The following PPP4R3A variants were observed in gnomAD, a reference collection of about 807,000 sequenced individuals.
PPP4R3A encodes protein phosphatase 4 regulatory subunit 3A, also known as serine/threonine-protein phosphatase 4 regulatory subunit 3A.
Under a neutral mutation model 91.7 loss-of-function variants are expected in PPP4R3A, and 15 were observed. The ratio of observed to expected loss-of-function variants is 0.16; its 90% CI spans 0.11 to 0.25. PPP4R3A has a LOEUF of 0.25. Among genes scored for constraint, PPP4R3A ranks in the 10% least tolerant of loss-of-function variants. PPP4R3A has a pLI of 1.00. For synonymous variants in PPP4R3A, 377 were observed against 348.7 expected (o/e 1.08, Z -0.91); for missense variants, 623 against 998.4 (o/e 0.62, Z 5.07).
At chr14:91,496,082 A>G (rs1890550530) in intron 1 of PPP4R3A, among the ~76,000 whole-genome samples, 1 of 152,214 alleles carries the variant, frequency 6.6e-6, no homozygotes, top group Admixed American at 6.5e-5. Flanking sequence ...AAAGGTATAA[A>G]CCATAGAATT....
chr14:91,482,640 C>CT (rs1259843234), intron 3 of PPP4R3A, among the ~76,000 whole-genome samples: 2 of 152,148 alleles, frequency 1.3e-5, no homozygotes, highest in African/African-American at 4.8e-5. Flanking sequence ...ATATTTAACT[C>CT]TGAGGTGAAG....
chr14:91,469,250 G>C (rs1464444594), intron 10 of PPP4R3A, among the ~76,000 whole-genome samples: 1 of 152,056 alleles, frequency 6.6e-6, no homozygotes, highest in African/African-American at 2.4e-5. Flanking sequence ...CTTAATTTCA[G>C]AGATAATGTT....
At chr14:91,483,596 T>C (rs1475154124) in intron 3 of PPP4R3A, among the ~76,000 whole-genome samples, 1 of 152,238 alleles carries the variant, frequency 6.6e-6, no homozygotes, top group African/African-American at 2.4e-5. Flanking sequence ...ATATTAAGAA[T>C]GCCATCTTTT....
chr14:91,459,776 A>T (rs2140058387), intron 14 of PPP4R3A, among the ~76,000 whole-genome samples: 1 of 151,834 alleles, frequency 6.6e-6, no homozygotes, highest in East Asian at 2.0e-4. Flanking sequence ...TGGAGATTGC[A>T]GTGAGCTAAG....
intron 14 of PPP4R3A, among the ~76,000 whole-genome samples, chr14:91,460,863 C>G (rs944512810): frequency 6.6e-6 from 1 of 152,150 alleles, no homozygotes; most frequent in Non-Finnish European, 1.5e-5. Context: ...TCGTGTCCTG[C>G]CCGCCTCAGC....
In PPP4R3A at chr14:91,462,183, T is replaced by C; in HGVS notation, c.2030A>G (p.Asp677Gly). Residue 677 changes from aspartate to glycine, a missense_variant, in exon 13 of 15, where the codon GAT (aspartate) becomes GGT (glycine). Transcript: ENST00000554943. ...RYRRDARTLE[D>G]EEEMWFNTDE... ...TGTGTTAAACCACATCTCTTCTTCA[T>C]CTTCTAGTGTTCTGGCATCTCTTCG... 6.2e-7 allele frequency: 1 copy of C among 1,608,040 alleles called. No homozygotes were observed. The highest frequency in any genetic ancestry group is 8.5e-7 in the Non-Finnish European group (1 of 1,178,118).
At chr14:91,496,978 G>A (rs968715533) in intron 1 of PPP4R3A, among the ~76,000 whole-genome samples, 1 of 152,066 alleles carries the variant, frequency 6.6e-6, no homozygotes, top group Non-Finnish European at 1.5e-5. Context: ...CCCCCAACAA[G>A]TTTGTTTGTA....
At chr14:91,470,049 A>G (rs978314737) in intron 10 of PPP4R3A, among the ~76,000 whole-genome samples, 3 of 142,490 alleles carry the variant, frequency 2.1e-5, no homozygotes, top group Non-Finnish European at 4.8e-5. Flanking sequence ...ACTGCTTCAA[A>G]CAACAACAAC....
Position 91,509,888 on chromosome 14 carries a change from C to A in PPP4R3A, c.-241G>T. Reference sequence around the variant, plus strand: ...GCGCTATTGTCCAGGCCTGGCGAGCCCGGCGCCCGGCAGCCCCGAGGGGGC... The same window carrying A: ...GCGCTATTGTCCAGGCCTGGCGAGCACGGCGCCCGGCAGCCCCGAGGGGGC... On this transcript the variant is annotated 5_prime_UTR_variant, in exon 1 of 15. Transcript: ENST00000554943. The A allele has an allele frequency of 1.8e-6, 2 of 1,085,546 alleles. No homozygotes were observed. Among genetic ancestry groups the A allele is most frequent in the Non-Finnish European group, 2.2e-6 (2 of 896,072 alleles). 67.2% of individuals were successfully genotyped at this position (1,085,546 alleles called of 1,614,324 possible).
At chr14:91,470,287 C>T (rs1450708284) in intron 10 of PPP4R3A, among the ~76,000 whole-genome samples, 1 of 152,116 alleles carries the variant, frequency 6.6e-6, no homozygotes, top group Admixed American at 6.5e-5. Flanking sequence ...CTAACAAACT[C>T]GGGTCTTAAG....
intron 10 of PPP4R3A, among the ~76,000 whole-genome samples, chr14:91,466,950 C>CACACACACACACAT (rs768734336): frequency 2.7e-5 from 4 of 148,088 alleles, no homozygotes; most frequent in Non-Finnish European, 6.1e-5. Context: ...AACACACACA[C>CACACACACACACAT]ACACACACAC....
intron 11 of PPP4R3A, among the ~76,000 whole-genome samples, chr14:91,464,674 G>A (rs1358676927): frequency 6.6e-6 from 1 of 152,148 alleles, no homozygotes. Context: ...AGAATAAAGA[G>A]TATTATGAAA....
At chr14:91,502,529 G>T (rs1566656513) in intron 1 of PPP4R3A, among the ~76,000 whole-genome samples, 1 of 152,092 alleles carries the variant, frequency 6.6e-6, no homozygotes, top group East Asian at 1.9e-4. Context: ...CTATACTACT[G>T]ACTGATCTGT....
chr14:91,476,582 T>C lies in PPP4R3A; in HGVS notation c.994-58A>G, dbSNP rs1889221889. The C allele has an allele frequency of 1.3e-5, 16 of 1,255,482 alleles. No individual in the cohort carries two copies. In the East Asian group the frequency reaches 4.1e-4, roughly 32 times the overall value. 77.8% of individuals were successfully genotyped at this position (1,255,482 alleles called of 1,614,324 possible). ...AAGTTTATTTTATTTATTTATTTATTGAGACGGAGTCTTGCTCTTGTTGCC... is the reference window on the plus strand; with the variant it reads ...AAGTTTATTTTATTTATTTATTTATCGAGACGGAGTCTTGCTCTTGTTGCC... On this transcript the variant is annotated intron_variant, in intron 5 of 14. Coordinates refer to ENST00000554943, the MANE Select transcript of PPP4R3A (RefSeq NM_001366432.2).
At chr14:91,477,105 G>A in intron 4 of PPP4R3A, 119 bp from the exon 5 acceptor site, 1 of 569,280 alleles carries the variant, frequency 1.8e-6, no homozygotes, top group Non-Finnish European at 2.6e-6. Context: ...TATTGGCAAT[G>A]CTGTCTTTTT....
chr14:91,484,497 G>A (rs116320382), intron 3 of PPP4R3A, among the ~76,000 whole-genome samples: 1,539 of 152,278 alleles, frequency 0.01, 28 homozygotes, highest in African/African-American at 0.036. Flanking sequence ...AACAGCAGAG[G>A]TGACCTAGCT....
intron 3 of PPP4R3A, among the ~76,000 whole-genome samples, chr14:91,483,769 A>G (rs1168809783): frequency 6.6e-6 from 1 of 152,248 alleles, no homozygotes; most frequent in Non-Finnish European, 1.5e-5. Flanking sequence ...CATAAACTAT[A>G]TAAAAGTTGA....
chr14:91,503,445 T>C (rs180876057), intron 1 of PPP4R3A, among the ~76,000 whole-genome samples: 43 of 152,284 alleles, frequency 2.8e-4, no homozygotes, highest in African/African-American at 9.9e-4. Flanking sequence ...ACACCACACA[T>C]GGCTAATTTA....
At chr14:91,471,872 C>T (rs1054915760) in intron 9 of PPP4R3A, among the ~76,000 whole-genome samples, 3 of 151,778 alleles carry the variant, frequency 2.0e-5, no homozygotes, top group Non-Finnish European at 2.9e-5. Flanking sequence ...GAGACCAGCC[C>T]GGCCAACATG....
Sources: gnomAD v4.1 joint callset for allele counts (sites outside exome capture counted in the v4.1 genomes callset) on GRCh38, gnomAD v4.1.1 for gene constraint, MANE v1.5 for transcripts, NCBI Gene and HGNC (gene_info 2026-07-23, HGNC 2026-07-21) for gene names.